PHC2: variants seen among roughly 807,000 people sequenced by gnomAD.
PHC2 encodes the protein polyhomeotic homolog 2.
PHC2 carries 29 observed loss-of-function variants against 87.4 expected under a neutral mutation model. The ratio of observed to expected loss-of-function variants is 0.33; its 90% confidence interval spans 0.25 to 0.45. PHC2 has a LOEUF of 0.45. Among genes scored for constraint, PHC2 ranks in the 20% least tolerant of loss-of-function variants. The probability of loss-of-function intolerance (pLI) is 1.00; values close to 1 mark genes in which losing one functional copy is unlikely to be tolerated. For synonymous variants in PHC2, 438 were observed against 461.7 expected, an observed-to-expected ratio of 0.95 and a Z score of 0.66; for missense variants, 857 against 1,136.7, an observed-to-expected ratio of 0.75 and a Z score of 3.54.
chr1:33,416,230 G>A (rs1257685399), intron 1 of PHC2, among the ~76,000 whole-genome samples: 5 of 152,048 alleles, frequency 3.3e-5, no homozygotes, highest in Non-Finnish European at 7.4e-5. Flanking sequence ...AACCTTAAAA[G>A]TAACCAGAGA....
At chr1:33,399,233 C>T (rs1290492166) in intron 1 of PHC2, among the ~76,000 whole-genome samples, 1 of 151,980 alleles carries the variant, frequency 6.6e-6, no homozygotes, top group African/African-American at 2.4e-5. Flanking sequence ...TGAAGGGACC[C>T]TACAAGGAAT....
intron 2 of PHC2, 60 bp from the exon 3 acceptor site, chr1:33,372,507 G>T: frequency 7.1e-7 from 1 of 1,414,336 alleles, no homozygotes; most frequent in South Asian, 1.6e-5. Context: ...ACACCCCTTT[G>T]GCAGTAATGC....
intron 1 of PHC2, among the ~76,000 whole-genome samples, chr1:33,411,452 T>C (rs1240018989): frequency 6.7e-6 from 1 of 149,338 alleles, no homozygotes; most frequent in Non-Finnish European, 1.5e-5. Flanking sequence ...CTCTGTTTTT[T>C]GTTGTTGTTG....
Position 33,430,024 on chromosome 1 carries a change from T to C in PHC2, c.-55+952A>G, listed in dbSNP as rs1216190978. On this transcript the variant is annotated intron_variant, in intron 1 of 14. Transcript: ENST00000683057. The stretch of plus-strand genomic sequence containing the variant: ...ATCTCTCCTCCTACCATTTCTATTG[T>C]CGCAAAAGCTAAATTACACTGTGAG... 2.0e-5 allele frequency among the ~76,000 whole-genome samples: 3 copies of C among 152,180 alleles called. No homozygotes were observed. The East Asian group carries it at 5.8e-4, about 29-fold the overall frequency.
rs1570487751 is a variant in PHC2 at position 33,364,460 on chromosome 1, C to A, written c.976+2656G>T. 6.6e-6 allele frequency among the ~76,000 whole-genome samples: 1 copy of A among 152,006 alleles called. No individual in the cohort carries two copies. The highest frequency in any genetic ancestry group is 1.9e-4 in the East Asian group (1 of 5,194). On this transcript the variant is annotated intron_variant, in intron 7 of 14. Transcript: ENST00000683057. This position sits in a 1 kb window ranked among gnomAD's most constrained non-coding sequence, Gnocchi z 4.1. ...CGCTCTTCTCTCCTGCTCTCAGATC[C>A]CTTGGTTCATTGACAGTGGGTTGGC... is the stretch of plus-strand genomic sequence containing the variant.
chr1:33,356,169 A>AT (rs1454751648), intron 7 of PHC2, among the ~76,000 whole-genome samples: 1 of 149,674 alleles, frequency 6.7e-6, no homozygotes, highest in East Asian at 2.0e-4. Flanking sequence ...CCTGACAGGA[A>AT]TTTGTTTTTT....
intron 1 of PHC2, among the ~76,000 whole-genome samples, chr1:33,390,220 T>A (rs1304430518): frequency 1.3e-5 from 2 of 152,170 alleles, no homozygotes; most frequent in Non-Finnish European, 2.9e-5. Context: ...AGCATATAAT[T>A]CTGTGAAAAC....
chr1:33,345,926 CTGTT>C (rs1016726826), intron 9 of PHC2: 47 of 985,130 alleles, frequency 4.8e-5, no homozygotes, highest in African/African-American at 3.8e-4. Flanking sequence ...AAGCCTACCT[CTGTT>C]TGAGTTGTGA....
intron 1 of PHC2, among the ~76,000 whole-genome samples, chr1:33,404,941 A>C (rs1047533039): frequency 3.3e-5 from 5 of 152,206 alleles, no homozygotes; most frequent in Non-Finnish European, 7.3e-5. Flanking sequence ...AGAGAAACAA[A>C]CTTGGCATGT....
intron 3 of PHC2, among the ~76,000 whole-genome samples, chr1:33,371,436 A>G (rs1233380953): frequency 6.6e-6 from 1 of 151,812 alleles, no homozygotes; most frequent in Non-Finnish European, 1.5e-5. Flanking sequence ...AGCCACCACC[A>G]TCACACCTGG....
chr1:33,353,752 T>A (rs1570475424), intron 9 of PHC2, among the ~76,000 whole-genome samples: 1 of 152,130 alleles, frequency 6.6e-6, no homozygotes, highest in Non-Finnish European at 1.5e-5. Flanking sequence ...CTGTGCAAAC[T>A]GGCAGAGAGG....
intron 2 of PHC2, among the ~76,000 whole-genome samples, chr1:33,374,607 C>G (rs537888785): frequency 6.6e-6 from 1 of 152,194 alleles, no homozygotes; most frequent in Admixed American, 6.5e-5. Context: ...TCTAGTATAT[C>G]CAAACTGTAA....
intron 9 of PHC2, among the ~76,000 whole-genome samples, chr1:33,343,960 G>T (rs575058098): frequency 2.6e-5 from 4 of 152,148 alleles, no homozygotes; most frequent in Admixed American, 2.6e-4. Flanking sequence ...TAATCTAAAG[G>T]ACAAGAAGAC....
At chr1:33,362,766 A>C (rs1302472218) in intron 7 of PHC2, among the ~76,000 whole-genome samples, 2 of 144,294 alleles carry the variant, frequency 1.4e-5, no homozygotes, top group Non-Finnish European at 3.1e-5. Flanking sequence ...AAACTTAATC[A>C]TGTTTCAAAG....
At chr1:33,338,649 C>G (rs1256034364) in intron 9 of PHC2, among the ~76,000 whole-genome samples, 1 of 152,226 alleles carries the variant, frequency 6.6e-6, no homozygotes, top group Non-Finnish European at 1.5e-5. Flanking sequence ...GTGAAACTTG[C>G]AGAAACCTGC....
rs185768780 is a variant in PHC2, at chr1:33,404,119, A to C, written c.-55+26857T>G. On this transcript the variant is annotated intron_variant, in intron 1 of 14. Transcript: ENST00000683057. ...CACCTCTACTTGGATATTTCAAAAT[A>C]TCTAAATTTTAACCTGTTAAAATTG... Among the ~76,000 whole-genome samples the C allele has an allele frequency of 2.8e-3, 434 of 152,306 alleles. 1 individual carries two copies. The highest frequency in any genetic ancestry group is 9.8e-3 in the African/African-American group (407 of 41,560).
intron 1 of PHC2, among the ~76,000 whole-genome samples, chr1:33,412,286 A>G (rs1283326898): frequency 6.6e-6 from 1 of 152,250 alleles, no homozygotes; most frequent in Non-Finnish European, 1.5e-5. Flanking sequence ...GGTTACAATT[A>G]TAATTAGTAA....
Position 33,372,452 on chromosome 1 carries a change from G to A in PHC2, c.175-5C>T. 3 of 1,537,256 alleles carry A rather than the reference G, an allele frequency of 2.0e-6. No individual in the cohort carries two copies. In the South Asian group the frequency reaches 3.7e-5, roughly 19 times the overall value. On this transcript the variant is annotated splice_polypyrimidine_tract_variant and splice_region_variant and intron_variant, in intron 2 of 14. Transcript: ENST00000683057. Reference sequence around the variant, plus strand: ...GTGCAGGGCCTGCTGGATCACCTGAGAAGGGAGGGAGGGGGAAGAGCCAGG... The same window carrying A: ...GTGCAGGGCCTGCTGGATCACCTGAAAAGGGAGGGAGGGGGAAGAGCCAGG...
At chr1:33,386,268 A>G (rs2148353984) in intron 1 of PHC2, among the ~76,000 whole-genome samples, 1 of 151,528 alleles carries the variant, frequency 6.6e-6, no homozygotes, top group East Asian at 2.0e-4. Context: ...TTGTAATCCC[A>G]GCACTTTGGG....
Sources: allele counts gnomAD v4.1 joint callset (sites outside exome capture counted in the v4.1 genomes callset), GRCh38; gene constraint gnomAD v4.1.1; non-coding constraint Gnocchi (gnomAD v3.1); transcripts MANE v1.5; gene names NCBI Gene and HGNC (gene_info 2026-07-23, HGNC 2026-07-21).